The following NPAS3 variants were observed in gnomAD, a reference collection of about 807,000 sequenced individuals.
NPAS3 encodes the protein neuronal PAS domain-containing protein 3.
Under a neutral mutation model 73.1 loss-of-function variants are expected in NPAS3, and 14 were observed. The ratio of observed to expected loss-of-function variants is 0.19; its 90% CI spans 0.13 to 0.30. The LOEUF is 0.30. Among genes scored for constraint, NPAS3 ranks in the 10% least tolerant of loss-of-function variants. The pLI, the probability that NPAS3 is intolerant of heterozygous loss-of-function variation, is 1.00. For synonymous variants in NPAS3, 620 were observed against 541.5 expected, an observed-to-expected ratio of 1.14 and a Z score of -2.01; for missense variants, 1,096 against 1,250.0, an observed-to-expected ratio of 0.88 and a Z score of 1.86.
intron 4 of NPAS3, among the ~76,000 whole-genome samples, chr14:33,386,778 T>C (rs1415725471): frequency 6.6e-6 from 1 of 152,174 alleles, no homozygotes; most frequent in Non-Finnish European, 1.5e-5. Context: ...AGTTCACAGA[T>C]TTTGCAAGGT....
At chr14:33,370,662 G>T (rs1162690106) in intron 4 of NPAS3, among the ~76,000 whole-genome samples, 1 of 152,122 alleles carries the variant, frequency 6.6e-6, no homozygotes, top group Non-Finnish European at 1.5e-5. Context: ...GATATAAAGA[G>T]ACCATTTAGG....
chr14:33,631,390 A>G (rs150756544), intron 5 of NPAS3, among the ~76,000 whole-genome samples: 2 of 152,342 alleles, frequency 1.3e-5, no homozygotes, highest in African/African-American at 4.8e-5. Context: ...GAATTTACTA[A>G]TGTTTGCTAT....
At position 33,019,602 on chromosome 14, in the gene NPAS3, G is replaced by C. The variant is rs538174074; in HGVS notation, c.51-36303G>C. On this transcript the variant is annotated intron_variant, in intron 1 of 11. Coordinates refer to ENST00000356141, the Ensembl canonical transcript of NPAS3. ...TGTCTCTTCAAAGGTGTGTGAAAGTGAATGATTGATTTGCTGTGTGCATCA... is the reference window on the plus strand; with the variant it reads ...TGTCTCTTCAAAGGTGTGTGAAAGTCAATGATTGATTTGCTGTGTGCATCA... 3.0e-4 allele frequency among the ~76,000 whole-genome samples: 45 copies of C among 152,292 alleles called. 1 individual carries two copies. Among genetic ancestry groups the C allele is most frequent in the Middle Eastern group, 6.8e-3 (2 of 294 alleles).
At chr14:33,197,667 CTT>C (rs1297793719) in intron 2 of NPAS3, among the ~76,000 whole-genome samples, 1 of 152,232 alleles carries the variant, frequency 6.6e-6, no homozygotes, top group African/African-American at 2.4e-5. Flanking sequence ...TTCCAAAACT[CTT>C]TTGCAAACTG....
intron 3 of NPAS3, among the ~76,000 whole-genome samples, chr14:33,338,605 TG>T (rs2044334406): frequency 6.6e-6 from 1 of 152,204 alleles, no homozygotes; most frequent in Admixed American, 6.5e-5. Context: ...ATCTCTTGAC[TG>T]CTCTGAACCT....
At chr14:33,372,474 A>G (rs769120583) in intron 4 of NPAS3, among the ~76,000 whole-genome samples, 1 of 152,222 alleles carries the variant, frequency 6.6e-6, no homozygotes, top group Non-Finnish European at 1.5e-5. Flanking sequence ...ATGTAAAATC[A>G]TGTATTACAA....
intron 1 of NPAS3, among the ~76,000 whole-genome samples, chr14:32,965,252 A>G (rs2037103740): frequency 6.6e-6 from 1 of 152,178 alleles, no homozygotes. Flanking sequence ...AACCAAAGAC[A>G]CAACAAAAAG....
At chr14:33,471,650 TAAAAG>T (rs2050786844) in intron 4 of NPAS3, among the ~76,000 whole-genome samples, 1 of 152,230 alleles carries the variant, frequency 6.6e-6, no homozygotes, top group African/African-American at 2.4e-5. Context: ...TCACCGTCCT[TAAAAG>T]AAATCAACGA....
At chr14:33,129,022 T>A (rs1268101504) in intron 2 of NPAS3, among the ~76,000 whole-genome samples, 1 of 152,056 alleles carries the variant, frequency 6.6e-6, no homozygotes, top group Non-Finnish European at 1.5e-5. Context: ...TTCCACAGGA[T>A]TTTTTTCCAG....
intron 5 of NPAS3, among the ~76,000 whole-genome samples, chr14:33,619,697 C>T (rs1482003651): frequency 1.3e-5 from 2 of 152,194 alleles, no homozygotes; most frequent in Non-Finnish European, 2.9e-5. Context: ...TTTAAATCCA[C>T]TCTTGTCTAC....
At chr14:33,160,745 TG>T (rs201366231) in intron 2 of NPAS3, among the ~76,000 whole-genome samples, 6,823 of 149,760 alleles carry the variant, frequency 0.046, 181 homozygotes, top group Middle Eastern at 0.078. Context: ...ACTTTTTTTT[TG>T]TTTTAAGTCA....
chr14:33,611,251 C>T (rs2057739883), intron 5 of NPAS3: 1 of 149,750 alleles, frequency 6.7e-6, no homozygotes, highest in Non-Finnish European at 1.5e-5. Context: ...GTTTTGTAAA[C>T]TACCAATGGC....
At position 33,360,716 on chromosome 14, in the gene NPAS3, A is replaced by AT. The variant is rs1281056528; in HGVS notation, c.386-6464dup. 2.0e-3 allele frequency among the ~76,000 whole-genome samples: 302 copies of AT among 152,278 alleles called. 1 individual carries two copies. The highest frequency in any genetic ancestry group is 2.6e-4 in the Non-Finnish European group (18 of 68,020). Reference sequence around the variant, plus strand: ...TTGGAATGACTGTGTACTAACTACCATTTTTTAAAATTAGTAACAGCACTT... The same window carrying AT: ...TTGGAATGACTGTGTACTAACTACCATTTTTTTAAAATTAGTAACAGCACTT... On this transcript the variant is annotated intron_variant, in intron 3 of 11. Coordinates refer to ENST00000356141, the Ensembl canonical transcript of NPAS3.
intron 1 of NPAS3, among the ~76,000 whole-genome samples, chr14:32,962,252 A>G (rs17099763): frequency 0.016 from 2,442 of 152,292 alleles, 59 homozygotes; most frequent in African/African-American, 0.055. Context: ...TATTGGTTTA[A>G]ATTGAAAAAC....
chr14:33,473,629 A>G (rs760588844), intron 4 of NPAS3, among the ~76,000 whole-genome samples: 28 of 152,182 alleles, frequency 1.8e-4, no homozygotes, highest in Non-Finnish European at 2.8e-4. Flanking sequence ...ATACATCGAC[A>G]GTTTTAGAAG....
intron 2 of NPAS3, among the ~76,000 whole-genome samples, chr14:33,149,842 T>A (rs2044380500): frequency 6.6e-6 from 1 of 152,144 alleles, no homozygotes; most frequent in Non-Finnish European, 1.5e-5. Context: ...ATGTGCAGGT[T>A]TGTTACATAG....
chr14:33,361,084 T>C (rs2045579931), intron 3 of NPAS3, among the ~76,000 whole-genome samples: 1 of 152,134 alleles, frequency 6.6e-6, no homozygotes, highest in Admixed American at 6.5e-5. Flanking sequence ...AACTACCAGA[T>C]TGTTGGAGAA....
intron 4 of NPAS3, among the ~76,000 whole-genome samples, chr14:33,381,663 A>G (rs77894969): frequency 6.3e-4 from 96 of 152,320 alleles, no homozygotes; most frequent in African/African-American, 2.0e-3. Context: ...GAAAAGAATT[A>G]TAAGGGAAAT....
At chr14:32,944,414 C>A (rs905191006) in intron 1 of NPAS3, among the ~76,000 whole-genome samples, 3 of 152,072 alleles carry the variant, frequency 2.0e-5, no homozygotes, top group East Asian at 1.9e-4. Context: ...AAATATTATT[C>A]TTTAAATTTT....
Sources: allele counts gnomAD v4.1 joint callset (sites outside exome capture counted in the v4.1 genomes callset), GRCh38; gene constraint gnomAD v4.1.1; transcripts MANE v1.5; gene names NCBI Gene and HGNC (gene_info 2026-07-23, HGNC 2026-07-21).